CHRM3: variants seen among roughly 807,000 people sequenced by gnomAD.
CHRM3 encodes cholinergic receptor muscarinic 3, also known as muscarinic acetylcholine receptor M3.
Under a neutral mutation model 41.8 loss-of-function variants are expected in CHRM3, and 11 were observed. That is an observed-to-expected ratio of 0.26 (90% CI 0.17 to 0.44). The LOEUF (loss-of-function observed/expected upper bound fraction) is 0.44, where lower values mean the gene tolerates loss of function less well. Among genes scored for constraint, CHRM3 ranks in the 20% least tolerant of loss-of-function variants. CHRM3 has a pLI of 1.00. For synonymous variants in CHRM3, 297 were observed against 301.4 expected (o/e 0.99, Z 0.15); for missense variants, 571 against 745.4 (o/e 0.77, Z 2.72).
intron 4 of CHRM3, among the ~76,000 whole-genome samples, chr1:239,668,001 A>G (rs1298536057): frequency 6.7e-6 from 1 of 149,932 alleles, no homozygotes; most frequent in Admixed American, 6.7e-5. Flanking sequence ...ACCTAATTTT[A>G]TTAAGAATTC....
intron 5 of CHRM3, among the ~76,000 whole-genome samples, chr1:239,809,256 G>A (rs1002950661): frequency 1.2e-4 from 18 of 152,028 alleles, no homozygotes; most frequent in Non-Finnish European, 2.2e-4. Flanking sequence ...TCCTGACCAC[G>A]TGATCCGCCC....
intron 1 of CHRM3, among the ~76,000 whole-genome samples, chr1:239,396,945 T>A (rs1484647970): frequency 6.6e-6 from 1 of 152,212 alleles, no homozygotes; most frequent in East Asian, 1.9e-4. Context: ...CCAATCTGCT[T>A]AAAATGGCCT....
chr1:239,848,029 G>A (rs981110312), intron 6 of CHRM3, among the ~76,000 whole-genome samples: 17 of 146,630 alleles, frequency 1.2e-4, no homozygotes, highest in Admixed American at 8.7e-4. Flanking sequence ...AAGTATGTGA[G>A]ACAAAACCAC....
At chr1:239,657,153 C>A (rs546192801) in intron 4 of CHRM3, among the ~76,000 whole-genome samples, 1 of 152,084 alleles carries the variant, frequency 6.6e-6, no homozygotes, top group Admixed American at 6.5e-5. Flanking sequence ...ATGTGCATAC[C>A]ATTTCAAATC....
intron 1 of CHRM3, among the ~76,000 whole-genome samples, chr1:239,426,331 A>T (rs1289698726): frequency 2.0e-5 from 3 of 151,690 alleles, no homozygotes; most frequent in African/African-American, 7.3e-5. Flanking sequence ...TTACTTTAGT[A>T]GCTTGAAATT....
intron 5 of CHRM3, among the ~76,000 whole-genome samples, chr1:239,782,197 T>C (rs1668557262): frequency 6.6e-6 from 1 of 152,032 alleles, no homozygotes; most frequent in Non-Finnish European, 1.5e-5. Flanking sequence ...TAATTTTTCT[T>C]TAAATATTTG....
chr1:239,857,284 T>G (rs773288730), intron 6 of CHRM3, among the ~76,000 whole-genome samples: 3 of 152,194 alleles, frequency 2.0e-5, no homozygotes, highest in Non-Finnish European at 4.4e-5. Context: ...ACATGCCCCA[T>G]AGGGAAAGAG....
In CHRM3 at chr1:239,801,481, G is replaced by A. The variant is rs75029311; in HGVS notation, c.-146-25771G>A. Among the ~76,000 whole-genome samples the A allele has an allele frequency of 5.6e-3, 855 of 152,252 alleles. 7 individuals are homozygous for A. The highest frequency in any genetic ancestry group is 0.02 in the African/African-American group (823 of 41,552). ...GAGTGTCTTTAAAAATTACAGAAGT[G>A]TGCCTCATAGGAATCTGGACAGTGA... is the stretch of plus-strand genomic sequence containing the variant. On this transcript the variant is annotated intron_variant, in intron 5 of 6. Coordinates refer to ENST00000676153, the MANE Select transcript of CHRM3 (RefSeq NM_001375978.1).
intron 6 of CHRM3, among the ~76,000 whole-genome samples, chr1:239,901,938 C>T (rs928847916): frequency 6.6e-6 from 1 of 152,084 alleles, no homozygotes; most frequent in African/African-American, 2.4e-5. Flanking sequence ...TCCAAATCAC[C>T]TTTTTGTAGT....
At chr1:239,419,344 C>G (rs1661748560) in intron 1 of CHRM3, among the ~76,000 whole-genome samples, 1 of 148,148 alleles carries the variant, frequency 6.8e-6, no homozygotes, top group South Asian at 2.1e-4. Flanking sequence ...CGTTTTATTA[C>G]TAACAGGCCG....
chr1:239,735,195 C>T (rs1664294727), intron 5 of CHRM3, among the ~76,000 whole-genome samples: 1 of 152,088 alleles, frequency 6.6e-6, no homozygotes, highest in South Asian at 2.1e-4. Flanking sequence ...AAGTATTACC[C>T]TAGTAGTCCT....
chr1:239,577,560 G>A (rs932755640), intron 3 of CHRM3, among the ~76,000 whole-genome samples: 2 of 152,092 alleles, frequency 1.3e-5, no homozygotes, highest in South Asian at 2.1e-4. Context: ...CTTCTGCCTC[G>A]CAGGAGCAGA....
At chr1:239,509,914 C>T (rs1425943102) in intron 2 of CHRM3, among the ~76,000 whole-genome samples, 1 of 152,102 alleles carries the variant, frequency 6.6e-6, no homozygotes, top group African/African-American at 2.4e-5. Context: ...ATGGCGAAAC[C>T]CCGTCTCTAT....
At chr1:239,679,852 C>A in intron 5 of CHRM3, among the ~76,000 whole-genome samples, 1 of 152,068 alleles carries the variant, frequency 6.6e-6, no homozygotes, top group East Asian at 1.9e-4. Flanking sequence ...GTCAGAAATT[C>A]TTCCTCTTAA....
chr1:239,863,205 G>T (rs1675780109), intron 6 of CHRM3, among the ~76,000 whole-genome samples: 1 of 152,190 alleles, frequency 6.6e-6, no homozygotes, highest in Non-Finnish European at 1.5e-5. Context: ...TTGCAAGAAA[G>T]AGACACCCTG....
At chr1:239,713,853 GT>G (rs1388766937) in intron 5 of CHRM3, among the ~76,000 whole-genome samples, 1 of 152,144 alleles carries the variant, frequency 6.6e-6, no homozygotes, top group African/African-American at 2.4e-5. Context: ...AAAAAACGGT[GT>G]TCCATTAAAT....
intron 1 of CHRM3, among the ~76,000 whole-genome samples, chr1:239,457,443 A>C (rs1665036052): frequency 6.6e-6 from 1 of 152,188 alleles, no homozygotes; most frequent in East Asian, 1.9e-4. Context: ...TTGTGTTGGC[A>C]GGCTTTATTT....
At chr1:239,486,197 T>C (rs1667171899) in intron 1 of CHRM3, among the ~76,000 whole-genome samples, 1 of 152,230 alleles carries the variant, frequency 6.6e-6, no homozygotes, top group Non-Finnish European at 1.5e-5. Flanking sequence ...AGTTTCTATA[T>C]TGATCATGCC....
At chr1:239,527,263 T>C (rs1021354594) in intron 2 of CHRM3, among the ~76,000 whole-genome samples, 2 of 152,220 alleles carry the variant, frequency 1.3e-5, no homozygotes, top group African/African-American at 2.4e-5. Context: ...ATAATGTTTA[T>C]TGGCCAAGGT....
Sources: gnomAD v4.1 joint callset for allele counts (sites outside exome capture counted in the v4.1 genomes callset) on GRCh38, gnomAD v4.1.1 for gene constraint, MANE v1.5 for transcripts, NCBI Gene and HGNC (gene_info 2026-07-23, HGNC 2026-07-21) for gene names.